The following OLA1 variants were observed in gnomAD, a reference collection of about 807,000 sequenced individuals.
OLA1 encodes the protein obg-like ATPase 1.
A neutral mutation model predicts 48.4 loss-of-function variants in OLA1; 14 were observed. That is an observed-to-expected ratio of 0.29 (90% CI 0.19 to 0.45). OLA1 has a LOEUF of 0.45. Ranked by LOEUF, OLA1 falls within the 20% of genes least tolerant of loss-of-function variation. The pLI, the probability that OLA1 is intolerant of heterozygous loss-of-function variation, is 1.00. For synonymous variants in OLA1, 127 were observed against 150.4 expected (o/e 0.84, Z 1.14); for missense variants, 325 against 467.1 (o/e 0.70, Z 2.80).
intron 5 of OLA1, among the ~76,000 whole-genome samples, chr2:174,126,612 C>G (rs1686049894): frequency 6.6e-6 from 1 of 152,158 alleles, no homozygotes; most frequent in Non-Finnish European, 1.5e-5. Context: ...TAGCCACTTA[C>G]CAGGTCTGTG....
At chr2:174,223,577 C>A (rs1688551036) in intron 3 of OLA1, among the ~76,000 whole-genome samples, 1 of 152,058 alleles carries the variant, frequency 6.6e-6, no homozygotes, top group African/African-American at 2.4e-5. Context: ...TATTATCTCA[C>A]TTCAAAGTTC....
chr2:174,164,699 A>C (rs542385819), intron 4 of OLA1, among the ~76,000 whole-genome samples: 7 of 152,132 alleles, frequency 4.6e-5, no homozygotes, highest in Non-Finnish European at 1.0e-4. Context: ...CAAGTTTATC[A>C]CTGATAGGTA....
At chr2:174,135,607 C>G (rs1558970384) in intron 5 of OLA1, among the ~76,000 whole-genome samples, 2 of 152,180 alleles carry the variant, frequency 1.3e-5, no homozygotes, top group African/African-American at 4.8e-5. Context: ...GTCACAGATA[C>G]AGCTTTTCTG....
chr2:174,073,168 A>G lies in OLA1; in HGVS notation c.*2258T>C, dbSNP rs1408353041. ...TGATGCCCAGCTAATTTTTGTATAT[A>G]TGTATTTTTTTATGTAGAGATGATG... On this transcript the variant is annotated 3_prime_UTR_variant, in exon 11 of 11. Coordinates refer to ENST00000284719, the MANE Select transcript of OLA1 (RefSeq NM_013341.5). The G allele has an allele frequency of 6.6e-6, 1 of 151,994 alleles. No homozygotes were observed. The highest frequency in any genetic ancestry group is 1.5e-5 in the Non-Finnish European group (1 of 68,012). 9.4% of individuals were successfully genotyped at this position (151,994 alleles called of 1,614,324 possible). A position where few individuals can be genotyped will look rare whatever the true frequency, so the allele number is the denominator to read the frequency against.
intron 4 of OLA1, among the ~76,000 whole-genome samples, chr2:174,168,611 A>C (rs1230819573): frequency 6.6e-6 from 1 of 152,164 alleles, no homozygotes; most frequent in African/African-American, 2.4e-5. Flanking sequence ...TCAATAAATA[A>C]AAGTAAATTA....
At chr2:174,217,464 T>C (rs1423856838) in intron 4 of OLA1, among the ~76,000 whole-genome samples, 1 of 148,096 alleles carries the variant, frequency 6.8e-6, no homozygotes, top group Non-Finnish European at 1.5e-5. Context: ...TGAAACAGAG[T>C]ACAAGCAAAG....
At chr2:174,173,107 A>G (rs1238905691) in intron 4 of OLA1, among the ~76,000 whole-genome samples, 1 of 152,152 alleles carries the variant, frequency 6.6e-6, no homozygotes, top group Non-Finnish European at 1.5e-5. Context: ...TTGTTTATAA[A>G]TTACCCAGCT....
chr2:174,102,782 T>C (rs183839214), intron 7 of OLA1, among the ~76,000 whole-genome samples: 2 of 152,346 alleles, frequency 1.3e-5, no homozygotes, highest in African/African-American at 4.8e-5. Context: ...GTATCATTTG[T>C]CTACAGTGGT....
At chr2:174,113,623 C>T (rs1685708265) in intron 7 of OLA1, among the ~76,000 whole-genome samples, 1 of 152,074 alleles carries the variant, frequency 6.6e-6, no homozygotes, top group African/African-American at 2.4e-5. Context: ...GAGAATTGTT[C>T]TTTTTAACTA....
intron 4 of OLA1, chr2:174,172,680 G>C: frequency 6.3e-6 from 1 of 158,444 alleles, no homozygotes; most frequent in Non-Finnish European, 1.4e-5. Context: ...AAGGTCAGCA[G>C]CCACCTCAGC....
chr2:174,216,814 G>T (rs1446870178), intron 4 of OLA1, among the ~76,000 whole-genome samples: 1 of 151,976 alleles, frequency 6.6e-6, no homozygotes, highest in Non-Finnish European at 1.5e-5. Context: ...TCCAAATGCT[G>T]CGATTACAAG....
chr2:174,186,484 C>T (rs1038225325), intron 4 of OLA1, among the ~76,000 whole-genome samples: 4 of 152,138 alleles, frequency 2.6e-5, no homozygotes, highest in African/African-American at 9.7e-5. Context: ...TATTCAGCAT[C>T]CCCAAGAGAA....
At chr2:174,145,928 G>T (rs1233578554) in intron 4 of OLA1, among the ~76,000 whole-genome samples, 1 of 152,186 alleles carries the variant, frequency 6.6e-6, no homozygotes, top group Non-Finnish European at 1.5e-5. Flanking sequence ...GATAGAGCAC[G>T]TATGTGTGTG....
In OLA1 at chr2:174,075,012, T is replaced by C. The variant is rs545996238; in HGVS notation, c.*414A>G. On this transcript the variant is annotated 3_prime_UTR_variant, in exon 11 of 11. Coordinates refer to ENST00000284719, the MANE Select transcript of OLA1 (RefSeq NM_013341.5). ...ATCCCCAAACACACCAAGGCTGGTT[T>C]TGTCAAATGTTTTATTGAGTGTAGA... The C allele has an allele frequency of 5.6e-6, 1 of 179,294 alleles. No individual in the cohort carries two copies. The highest frequency in any genetic ancestry group is 1.2e-5 in the Non-Finnish European group (1 of 85,154). The allele number at this position is 179,294 out of a possible 1,614,324, so 11.1% of individuals were successfully genotyped here. A position where few individuals can be genotyped will look rare whatever the true frequency, so the allele number is the denominator to read the frequency against.
At chr2:174,101,350 T>C (rs1685393371) in intron 7 of OLA1, among the ~76,000 whole-genome samples, 1 of 152,254 alleles carries the variant, frequency 6.6e-6, no homozygotes, top group Non-Finnish European at 1.5e-5. Context: ...TTTTAAAAGC[T>C]GGGTCATTGG....
At chr2:174,201,092 G>A (rs946312101) in intron 4 of OLA1, among the ~76,000 whole-genome samples, 5 of 152,128 alleles carry the variant, frequency 3.3e-5, no homozygotes, top group East Asian at 1.9e-4. Flanking sequence ...AATGCTTGTC[G>A]GCATCAAAGT....
intron 2 of OLA1, among the ~76,000 whole-genome samples, chr2:174,232,760 G>A (rs1050223112): frequency 5.9e-5 from 9 of 152,172 alleles, no homozygotes; most frequent in African/African-American, 1.9e-4. Flanking sequence ...ACTGCTGGTA[G>A]GAATGTAAAG....
At chr2:174,207,084 A>G (rs1334982815) in intron 4 of OLA1, among the ~76,000 whole-genome samples, 1 of 152,206 alleles carries the variant, frequency 6.6e-6, no homozygotes, top group East Asian at 1.9e-4. Context: ...ATGGTTACTA[A>G]AGGTGATTTA....
At chr2:174,171,282 C>T (rs780405711) in intron 4 of OLA1, among the ~76,000 whole-genome samples, 40 of 152,174 alleles carry the variant, frequency 2.6e-4, no homozygotes, top group Middle Eastern at 3.4e-3. Flanking sequence ...TCATCTTGAA[C>T]GAAATATTTA....
Sources: allele counts gnomAD v4.1 joint callset (sites outside exome capture counted in the v4.1 genomes callset), GRCh38; gene constraint gnomAD v4.1.1; transcripts MANE v1.5; gene names NCBI Gene and HGNC (gene_info 2026-07-23, HGNC 2026-07-21).